Variants in OR52N4 observed in about 807,000 individuals in gnomAD.
OR52N4 encodes the protein olfactory receptor 52N4.
A neutral mutation model predicts 15.0 loss-of-function variants in OR52N4; 15 were observed. The ratio of observed to expected loss-of-function variants is 1.00; its 90% CI spans 0.67 to 1.54. OR52N4 has a LOEUF of 1.54. OR52N4 is among the 40% of genes most tolerant of loss of function. The probability of loss-of-function intolerance (pLI) is 0.00; values close to 1 mark genes in which losing one functional copy is unlikely to be tolerated. For synonymous variants in OR52N4, 143 were observed against 143.7 expected (o/e 1.00, Z 0.03); for missense variants, 421 against 394.0 (o/e 1.07, Z -0.58).
At chr11:5,746,547 A>G in the OR52N4 span, among the ~76,000 whole-genome samples, 1 of 152,194 alleles carries the variant, frequency 6.6e-6, no homozygotes, top group Non-Finnish European at 1.5e-5. Flanking sequence ...GCCAAGAAAC[A>G]TATGCAAAAA....
At position 5,755,129 on chromosome 11, in the gene OR52N4, A is replaced by G. The variant is rs904333277; in HGVS notation, c.389A>G (p.Tyr130Cys). Residue 130 changes from tyrosine to cysteine, a missense_variant, in exon 2 of 2, where the codon TAC (tyrosine) becomes TGC (cysteine). Transcript: ENST00000641350. ...CTGGATCGCTATGTGGCCATCTGCT[A>G]CCCCTTACGCTATTCAACTATCCTC... ...MALDRYVAIC[Y>C]PLRYSTILTN... The G allele has an allele frequency of 6.2e-7, 1 of 1,613,786 alleles. No individual in the cohort carries two copies. Among genetic ancestry groups the G allele is most frequent in the African/African-American group, 1.3e-5 (1 of 74,848 alleles).
At chr11:5,749,087 A>T in the OR52N4 span, among the ~76,000 whole-genome samples, 1 of 151,880 alleles carries the variant, frequency 6.6e-6, no homozygotes, top group Non-Finnish European at 1.5e-5. Flanking sequence ...TCAGACATAA[A>T]GGAATTTATA....
chr11:5,747,330 CA>C, the OR52N4 span, among the ~76,000 whole-genome samples: 4 of 151,566 alleles, frequency 2.6e-5, no homozygotes, highest in Admixed American at 6.6e-5. Flanking sequence ...TAAAATAAAA[CA>C]AAAATGCAGT....
In OR52N4 at chr11:5,755,898, T is replaced by G. The variant is rs1218227607; in HGVS notation, c.*192T>G. ...GCCCACCAACATTTCTATAAATTTTTTACCTTCTCACTCATGTGAAGGACC... is the reference window on the plus strand; with the variant it reads ...GCCCACCAACATTTCTATAAATTTTGTACCTTCTCACTCATGTGAAGGACC... On this transcript the variant is annotated 3_prime_UTR_variant, in exon 2 of 2. Coordinates refer to ENST00000641350, the MANE Select transcript of OR52N4 (RefSeq NM_001005175.5). The G allele has an allele frequency of 2.4e-5, 16 of 655,328 alleles. No homozygotes were observed. Among genetic ancestry groups the G allele is most frequent in the Non-Finnish European group, 4.0e-5 (16 of 399,468 alleles). The allele number at this position is 655,328 out of a possible 1,614,324, so 40.6% of individuals were successfully genotyped here. A position where few individuals can be genotyped will look rare whatever the true frequency, so the allele number is the denominator to read the frequency against.
the OR52N4 span, chr11:5,737,383 C>T: frequency 6.2e-7 from 1 of 1,614,094 alleles, no homozygotes; most frequent in Non-Finnish European, 8.5e-7. Context: ...TGTTGCACAA[C>T]ATCATCCCCC....
the OR52N4 span, among the ~76,000 whole-genome samples, chr11:5,748,478 T>C: frequency 6.6e-6 from 1 of 151,824 alleles, no homozygotes; most frequent in African/African-American, 2.4e-5. Flanking sequence ...CCTAATTTAA[T>C]ATATAAGTGT....
the OR52N4 span, among the ~76,000 whole-genome samples, chr11:5,732,384 C>T: frequency 1.3e-5 from 2 of 152,292 alleles, no homozygotes; most frequent in South Asian, 4.1e-4. Context: ...CTTTAGCCCA[C>T]TCCAATATGA....
the OR52N4 span, among the ~76,000 whole-genome samples, chr11:5,728,075 A>G: frequency 6.6e-6 from 1 of 152,222 alleles, no homozygotes; most frequent in African/African-American, 2.4e-5. Context: ...GAGGTTAGGA[A>G]TAACTCTTCA....
chr11:5,727,747 C>G, the OR52N4 span, among the ~76,000 whole-genome samples: 1 of 152,074 alleles, frequency 6.6e-6, no homozygotes, highest in East Asian at 1.9e-4. Context: ...TAGAAGAGTC[C>G]CTGCATAGCC....
At chr11:5,737,025 T>C in the OR52N4 span, 1 of 1,614,172 alleles carries the variant, frequency 6.2e-7, no homozygotes, top group Non-Finnish European at 8.5e-7. Context: ...CCAGTGCCTG[T>C]GCTTGCAGCA....
upstream of OR52N4, among the ~76,000 whole-genome samples, chr11:5,753,733 C>A (rs1040090412): frequency 6.6e-6 from 1 of 152,086 alleles, no homozygotes; most frequent in Admixed American, 6.6e-5. Context: ...TGGCTCATGC[C>A]TGTAATCCCA....
upstream of OR52N4, among the ~76,000 whole-genome samples, chr11:5,752,253 T>G (rs1368187851): frequency 6.6e-6 from 1 of 152,194 alleles, no homozygotes; most frequent in African/African-American, 2.4e-5. Flanking sequence ...TTGTAATGAC[T>G]TGAGTACATA....
the OR52N4 span, chr11:5,738,401 G>A: frequency 4.6e-5 from 7 of 152,108 alleles, no homozygotes; most frequent in Non-Finnish European, 1.0e-4. Flanking sequence ...AGGCCAAGGG[G>A]CTGATAAAGG....
upstream of OR52N4, among the ~76,000 whole-genome samples, chr11:5,749,794 G>A (rs1471513320): frequency 2.0e-5 from 3 of 151,854 alleles, no homozygotes; most frequent in Non-Finnish European, 4.4e-5. Context: ...TTGGCCTACA[G>A]AGTTTAAGAA....
the OR52N4 span, chr11:5,737,662 T>G: frequency 1.8e-6 from 1 of 548,790 alleles, no homozygotes; most frequent in Non-Finnish European, 3.0e-6. Flanking sequence ...GCCTAAAATA[T>G]TGACAAAAGC....
the OR52N4 span, chr11:5,737,796 T>A: frequency 4.1e-6 from 1 of 244,532 alleles, no homozygotes; most frequent in East Asian, 8.6e-5. Context: ...CACCCACAAA[T>A]ACACACACAG....
chr11:5,742,476 C>A, the OR52N4 span, among the ~76,000 whole-genome samples: 1 of 152,080 alleles, frequency 6.6e-6, no homozygotes, highest in Non-Finnish European at 1.5e-5. Context: ...GCAAAAGAGG[C>A]ACATCAAAAC....
chr11:5,736,977 C>T, the OR52N4 span: 1 of 1,614,124 alleles, frequency 6.2e-7, no homozygotes, highest in Non-Finnish European at 8.5e-7. Context: ...TTAAAAGCTA[C>T]CCTGTTCATG....
the OR52N4 span, among the ~76,000 whole-genome samples, chr11:5,748,375 T>C: frequency 2.7e-5 from 4 of 149,230 alleles, no homozygotes; most frequent in African/African-American, 4.9e-5. Flanking sequence ...ATGGATATAA[T>C]TTATAATCAG....
Sources: allele counts gnomAD v4.1 joint callset (sites outside exome capture counted in the v4.1 genomes callset), GRCh38; gene constraint gnomAD v4.1.1; transcripts MANE v1.5; gene names NCBI Gene and HGNC (gene_info 2026-07-23, HGNC 2026-07-21).